Variants in RAB33B observed in about 807,000 individuals in gnomAD.
The protein encoded by RAB33B is ras-related protein Rab-33B.
Under a neutral mutation model 15.0 loss-of-function variants are expected in RAB33B, and 6 were observed. The ratio of observed to expected loss-of-function variants is 0.40; its 90% CI spans 0.22 to 0.79. The LOEUF is 0.79. Ranked by LOEUF, RAB33B falls within the 30% of genes least tolerant of loss-of-function variation. RAB33B has a pLI of 0.37. For missense variants in RAB33B, 257 were observed against 296.4 expected, an observed-to-expected ratio of 0.87 and a Z score of 0.98; for synonymous variants, 117 against 108.3, an observed-to-expected ratio of 1.08 and a Z score of -0.50.
At chr4:139,463,909 A>G (rs2111077945) in intron 1 of RAB33B, among the ~76,000 whole-genome samples, 1 of 152,314 alleles carries the variant, frequency 6.6e-6, no homozygotes, top group Admixed American at 6.5e-5. Flanking sequence ...GAAATTTTGA[A>G]GCTTCTTTTT....
intron 1 of RAB33B, among the ~76,000 whole-genome samples, chr4:139,468,531 C>T (rs1416521088): frequency 3.3e-5 from 5 of 152,142 alleles, no homozygotes; most frequent in Admixed American, 6.5e-5. Context: ...GAAAAGTCAT[C>T]GTAGTTATTA....
chr4:139,439,061 G>A, the RAB33B span, among the ~76,000 whole-genome samples: 2 of 152,074 alleles, frequency 1.3e-5, no homozygotes, highest in Non-Finnish European at 2.9e-5. Flanking sequence ...TGCCCAGGCT[G>A]GGGGGCAGTG....
rs150206881 is a variant in RAB33B at position 139,459,910 on chromosome 4, C to T, written c.249+5466C>T. 8.3e-3 allele frequency among the ~76,000 whole-genome samples: 1,258 copies of T among 152,238 alleles called. 9 individuals carry two copies. The highest frequency in any genetic ancestry group is 0.014 in the Middle Eastern group (4 of 294). ...CCTCCCAAAGCGCTGGGATTACAGG[C>T]GTGAGCCACCGTGTCCGGCCTAGTT... is the stretch of plus-strand genomic sequence containing the variant. On this transcript the variant is annotated intron_variant, in intron 1 of 1. Coordinates refer to ENST00000305626, the MANE Select transcript of RAB33B (RefSeq NM_031296.3).
intron 1 of RAB33B, among the ~76,000 whole-genome samples, chr4:139,458,204 C>T (rs966586152): frequency 1.3e-5 from 2 of 152,082 alleles, no homozygotes; most frequent in African/African-American, 2.4e-5. Flanking sequence ...GAGGTGGGAG[C>T]ATTGCTGGAG....
At chr4:139,467,247 G>A (rs1411707521) in intron 1 of RAB33B, among the ~76,000 whole-genome samples, 2 of 147,010 alleles carry the variant, frequency 1.4e-5, no homozygotes, top group Admixed American at 6.9e-5. Flanking sequence ...GGAATTACAG[G>A]GATGAGCCAC....
At chr4:139,455,050 C>T (rs1750038374) in intron 1 of RAB33B, among the ~76,000 whole-genome samples, 1 of 152,186 alleles carries the variant, frequency 6.6e-6, no homozygotes, top group African/African-American at 2.4e-5. Context: ...ACTCAGGTTG[C>T]CAAAAGCATT....
At chr4:139,456,877 A>G (rs538533715) in intron 1 of RAB33B, among the ~76,000 whole-genome samples, 1 of 152,282 alleles carries the variant, frequency 6.6e-6, no homozygotes, top group African/African-American at 2.4e-5. Flanking sequence ...AAAGAGCTTT[A>G]TTCTATGTGC....
rs1463510729 is a variant in RAB33B at position 139,473,706 on chromosome 4, G to GT, written c.*584dup. ...TTTCTTTGTTTTATTAACATATTTA[G>GT]TTTTGTTATTATTGGTATGTTTTAG... On this transcript the variant is annotated 3_prime_UTR_variant, in exon 2 of 2. Coordinates refer to ENST00000305626, the MANE Select transcript of RAB33B (RefSeq NM_031296.3). The GT allele has an allele frequency of 6.6e-6, 1 of 152,080 alleles. No individual in the cohort carries two copies. The highest frequency in any genetic ancestry group is 1.5e-5 in the Non-Finnish European group (1 of 68,128). 9.4% of individuals were successfully genotyped at this position (152,080 alleles called of 1,614,324 possible).
At chr4:139,454,056 C>T, upstream of RAB33B, 2 of 1,026,316 alleles carry the variant, frequency 1.9e-6, no homozygotes, top group East Asian at 2.7e-5. Context: ...TGCGCAGGCG[C>T]GCTCGGGGCT....
the RAB33B span, among the ~76,000 whole-genome samples, chr4:139,439,147 C>T: frequency 3.9e-5 from 6 of 152,178 alleles, no homozygotes; most frequent in South Asian, 2.1e-4. Flanking sequence ...ACTACAGGCA[C>T]CCACTACCAC....
chr4:139,450,428 T>C (rs1749895641), upstream of RAB33B: 1 of 152,128 alleles, frequency 6.6e-6, no homozygotes, highest in South Asian at 2.1e-4. Context: ...AGGTACAGGG[T>C]ATCAAACTTG....
chr4:139,473,661 A>G lies in RAB33B; in HGVS notation c.*535A>G, dbSNP rs1750439995. 6.5e-6 allele frequency: 1 copy of G among 152,844 alleles called. No homozygotes were observed. Among genetic ancestry groups the G allele is most frequent in the Non-Finnish European group, 1.5e-5 (1 of 68,630 alleles). 9.5% of individuals were successfully genotyped at this position (152,844 alleles called of 1,614,324 possible). A position where few individuals can be genotyped will look rare whatever the true frequency, so the allele number is the denominator to read the frequency against. ...CCTCCCCAGTACTGGGACTGTAGGT[A>G]CTCACCACTGCATCTGGCCTTTCTT... On this transcript the variant is annotated 3_prime_UTR_variant, in exon 2 of 2. Transcript: ENST00000305626.
intron 1 of RAB33B, among the ~76,000 whole-genome samples, chr4:139,468,929 C>A (rs1750342565): frequency 6.6e-6 from 1 of 152,184 alleles, no homozygotes; most frequent in Admixed American, 6.5e-5. Context: ...TGCTGCCAGA[C>A]CTATTGGAGC....
intron 1 of RAB33B, among the ~76,000 whole-genome samples, chr4:139,460,260 A>G (rs1270564358): frequency 4.6e-5 from 7 of 152,228 alleles, no homozygotes; most frequent in Admixed American, 1.3e-4. Context: ...AGATGATCCT[A>G]TATTCAAATG....
chr4:139,461,859 G>A lies in RAB33B; in HGVS notation c.249+7415G>A, dbSNP rs540652334. Among the ~76,000 whole-genome samples, 25 of 151,278 alleles carry A rather than the reference G, an allele frequency of 1.7e-4. No individual in the cohort carries two copies. The South Asian group carries it at 4.8e-3, about 29-fold the overall frequency. On this transcript the variant is annotated intron_variant, in intron 1 of 1. Transcript: ENST00000305626. ...GCAGAGGTTGCAATGAGCTGACTTC[G>A]TGCCACTGCACTCCAGCCTGGGTGA... is the stretch of plus-strand genomic sequence containing the variant.
At chr4:139,439,321 T>TA in the RAB33B span, among the ~76,000 whole-genome samples, 1 of 152,328 alleles carries the variant, frequency 6.6e-6, no homozygotes, top group African/African-American at 2.4e-5. Flanking sequence ...TCTTGATTGA[T>TA]AGACTAAATT....
At chr4:139,438,919 G>C in the RAB33B span, among the ~76,000 whole-genome samples, 1 of 152,166 alleles carries the variant, frequency 6.6e-6, no homozygotes, top group African/African-American at 2.4e-5. Context: ...TTGTAGGGCA[G>C]GTCTAGTGGT....
chr4:139,441,718 G>T, the RAB33B span, among the ~76,000 whole-genome samples: 63 of 152,266 alleles, frequency 4.1e-4, 1 homozygote, highest in African/African-American at 1.4e-3. Flanking sequence ...GTCGAGAAGC[G>T]TACTAAAATC....
rs1318047808 is a variant in RAB33B, at chr4:139,474,742, A to G, written c.*1616A>G. On this transcript the variant is annotated 3_prime_UTR_variant, in exon 2 of 2. Coordinates refer to ENST00000305626, the MANE Select transcript of RAB33B (RefSeq NM_031296.3). ...TTATTTTGAATTTAAGTCTTTGCAC[A>G]TAAAATATAGCAAGCTTACATATTA... The G allele has an allele frequency of 2.0e-5, 3 of 152,660 alleles. No homozygotes were observed. Among genetic ancestry groups the G allele is most frequent in the Admixed American group, 1.3e-4 (2 of 15,282 alleles). The allele number at this position is 152,660 out of a possible 1,614,324, so 9.5% of individuals were successfully genotyped here.
Sources: gnomAD v4.1 joint callset for allele counts (sites outside exome capture counted in the v4.1 genomes callset) on GRCh38, gnomAD v4.1.1 for gene constraint, MANE v1.5 for transcripts, NCBI Gene and HGNC (gene_info 2026-07-23, HGNC 2026-07-21) for gene names.